ZCCHC8: variants seen among roughly 807,000 people sequenced by gnomAD.
The protein encoded by ZCCHC8 is zinc finger CCHC-type containing 8, also known as zinc finger CCHC domain-containing protein 8.
Under a neutral mutation model 70.6 loss-of-function variants are expected in ZCCHC8, and 27 were observed. The observed-to-expected ratio is 0.38, with a 90% CI of 0.28 to 0.53. The LOEUF is 0.53. Among genes scored for constraint, ZCCHC8 ranks in the 20% least tolerant of loss-of-function variants. The probability of loss-of-function intolerance (pLI) is 0.81; values close to 1 mark genes in which losing one functional copy is unlikely to be tolerated. For missense variants in ZCCHC8, 737 were observed against 876.9 expected, an observed-to-expected ratio of 0.84 and a Z score of 2.01; for synonymous variants, 293 against 317.4, an observed-to-expected ratio of 0.92 and a Z score of 0.82.
In ZCCHC8 at chr12:122,490,550, A is replaced by G. The variant is rs1957726015; in HGVS notation, c.335T>C (p.Ile112Thr). The G allele has an allele frequency of 1.2e-6, 2 of 1,607,788 alleles. No individual in the cohort carries two copies. Among genetic ancestry groups the G allele is most frequent in the Non-Finnish European group, 1.7e-6 (2 of 1,176,566 alleles). ...TACTAAATTTGATACAAATTCCTCT[A>G]TTTCTTGATGATATTGCCTGTGTAA... ...NAISKQYHQE[I>T]EEFVSNLVKR... Residue 112 changes from isoleucine (I) to threonine (T), a missense_variant, in exon 4 of 14, where the codon ATA (isoleucine) becomes ACA (threonine). Ile to Thr is a moderately conservative substitution (Grantham distance 89, BLOSUM62 -1). Coordinates refer to ENST00000633063, the MANE Select transcript of ZCCHC8 (RefSeq NM_017612.5).
Position 122,473,063 on chromosome 12 carries a change from A to G in ZCCHC8, c.*434T>C, listed in dbSNP as rs1249035822. 6.3e-6 allele frequency: 1 copy of G among 158,366 alleles called. No individual in the cohort carries two copies. 9.8% of individuals were successfully genotyped at this position (158,366 alleles called of 1,614,324 possible). A position where few individuals can be genotyped will look rare whatever the true frequency, so the allele number is the denominator to read the frequency against. The stretch of plus-strand genomic sequence containing the variant: ...AATGGGATAAAGCTGCTCATCCCTG[A>G]TTTTTCTCATTTGGTTGTAGGAGTT... On this transcript the variant is annotated 3_prime_UTR_variant, in exon 14 of 14. Transcript: ENST00000633063.
At position 122,500,610 on chromosome 12, in the gene ZCCHC8, G is replaced by A; in HGVS notation, c.199+32C>T. ...CTGGCGCTGCCCCGGCCCCACACCC[G>A]GGTGACAGGGCCCAGCGAGAGGAAA... On this transcript the variant is annotated intron_variant, in intron 1 of 13. Transcript: ENST00000633063. This position sits in a 1 kb window ranked among gnomAD's most constrained non-coding sequence, Gnocchi z 4.8. 2.0e-6 allele frequency: 3 copies of A among 1,535,850 alleles called. No individual in the cohort carries two copies. The highest frequency in any genetic ancestry group is 2.6e-6 in the Non-Finnish European group (3 of 1,141,924).
chr12:122,500,571 C>T lies in ZCCHC8; in HGVS notation c.199+71G>A, dbSNP rs1957909011. ...GCGCCCTCGCCCTCGCCCGGCGCTG[C>T]CCCGGCCCCACGCCTGGCGCTGCCC... is the stretch of plus-strand genomic sequence containing the variant. On this transcript the variant is annotated intron_variant, in intron 1 of 13. Transcript: ENST00000633063. This position sits in a 1 kb window ranked among gnomAD's most constrained non-coding sequence, Gnocchi z 4.8. 4.7e-6 allele frequency: 7 copies of T among 1,480,534 alleles called. No homozygotes were observed. The South Asian group carries it at 6.4e-5, about 14-fold the overall frequency. 91.7% of individuals were successfully genotyped at this position (1,480,534 alleles called of 1,614,324 possible).
At chr12:122,482,942 T>A in intron 7 of ZCCHC8, 1 of 522,934 alleles carries the variant, frequency 1.9e-6, no homozygotes, top group South Asian at 3.1e-5. Context: ...TTGAGTTTTT[T>A]CAGTGGTTAA....
chr12:122,497,466 C>T (rs570997076), intron 2 of ZCCHC8, among the ~76,000 whole-genome samples: 3 of 151,906 alleles, frequency 2.0e-5, no homozygotes, highest in South Asian at 2.1e-4. Context: ...TGCTTGAACC[C>T]GGGAGGTGAA....
Position 122,500,329 on chromosome 12 carries a change from T to G in ZCCHC8, c.199+313A>C. On this transcript the variant is annotated intron_variant, in intron 1 of 13. Transcript: ENST00000633063. The surrounding 1 kb of genome is among the most constrained non-coding windows in gnomAD (Gnocchi z 4.8). The stretch of plus-strand genomic sequence containing the variant: ...CACGACCTCAAACAGAGGGGGGCAA[T>G]TAAGGGCTTGTGTACAATCTGTCAG... The G allele has an allele frequency of 3.0e-6, 1 of 331,872 alleles. No homozygotes were observed. Among genetic ancestry groups the G allele is most frequent in the South Asian group, 4.5e-5 (1 of 22,070 alleles). The allele number at this position is 331,872 out of a possible 1,614,324, so 20.6% of individuals were successfully genotyped here.
In ZCCHC8 at chr12:122,498,158, C is replaced by CTT. The variant is rs11449631; in HGVS notation, c.242+667_242+668dup. On this transcript the variant is annotated intron_variant, in intron 2 of 13. Transcript: ENST00000633063. ...TCTTCAGCTAGAGTAATACTGTAAT[C>CTT]TTTTTTTTTTTTTTTTTCAGACGGA... Among the ~76,000 whole-genome samples the CTT allele has an allele frequency of 3.0e-3, 389 of 131,122 alleles. 5 individuals carry two copies. Among genetic ancestry groups the CTT allele is most frequent in the South Asian group, 5.7e-3 (24 of 4,218 alleles). 86.0% of individuals were successfully genotyped at this position (131,122 alleles called of 152,430 possible). A position where few individuals can be genotyped will look rare whatever the true frequency, so the allele number is the denominator to read the frequency against.
chr12:122,475,398 C>G (rs1214622919), intron 13 of ZCCHC8, among the ~76,000 whole-genome samples: 1 of 152,172 alleles, frequency 6.6e-6, no homozygotes, highest in Non-Finnish European at 1.5e-5. Context: ...GTTCACATAT[C>G]TAACTGCCCA....
intron 11 of ZCCHC8, chr12:122,478,551 A>T (rs931939705): frequency 1.9e-5 from 7 of 369,412 alleles, no homozygotes; most frequent in Non-Finnish European, 3.5e-5. Context: ...TGCAAGCAGA[A>T]GATGTAGGCA....
chr12:122,495,411 A>G (rs2137369099), intron 2 of ZCCHC8, among the ~76,000 whole-genome samples: 1 of 152,290 alleles, frequency 6.6e-6, no homozygotes, highest in South Asian at 2.1e-4. Flanking sequence ...GAATAGCTTG[A>G]ACCCAGAAGT....
chr12:122,473,463 G>C lies in ZCCHC8; in HGVS notation c.*34C>G, dbSNP rs369359901. The C allele has an allele frequency of 5.0e-5, 80 of 1,595,918 alleles. No homozygotes were observed. The highest frequency in any genetic ancestry group is 6.7e-5 in the Non-Finnish European group (78 of 1,170,538). ...AATTAGTACTAATTAACGGAACAAAGTTATTAAATAGCTCTCAGTGCTAAG... is the reference window on the plus strand; with the variant it reads ...AATTAGTACTAATTAACGGAACAAACTTATTAAATAGCTCTCAGTGCTAAG... On this transcript the variant is annotated 3_prime_UTR_variant, in exon 14 of 14. Coordinates refer to ENST00000633063, the MANE Select transcript of ZCCHC8 (RefSeq NM_017612.5).
chr12:122,482,538 CAAAG>C (rs1249316468), intron 8 of ZCCHC8, 93 bp downstream of exon 8: 5 of 849,290 alleles, frequency 5.9e-6, no homozygotes, highest in Non-Finnish European at 5.2e-6. Flanking sequence ...ATTAAAGGAA[CAAAG>C]AAAGTTCCTT....
intron 5 of ZCCHC8, among the ~76,000 whole-genome samples, chr12:122,488,372 T>C (rs1486316731): frequency 1.3e-5 from 2 of 151,720 alleles, no homozygotes; most frequent in Non-Finnish European, 2.9e-5. Flanking sequence ...TAGAGATGAG[T>C]TCTGGCTATG....
chr12:122,481,715 A>G, intron 9 of ZCCHC8, 51 bp from the exon 10 acceptor site: 5 of 1,583,352 alleles, frequency 3.2e-6, no homozygotes, highest in Non-Finnish European at 4.3e-6. Context: ...ATTTGCATGA[A>G]AACACATAGT....
intron 2 of ZCCHC8, among the ~76,000 whole-genome samples, chr12:122,496,709 A>G (rs536635269): frequency 1.3e-5 from 2 of 152,288 alleles, no homozygotes; most frequent in South Asian, 4.1e-4. Flanking sequence ...CATGTTGTCC[A>G]GACTGGTCTC....
intron 10 of ZCCHC8, 101 bp downstream of exon 10, chr12:122,481,421 A>G (rs1957531187): frequency 2.1e-6 from 3 of 1,421,804 alleles, no homozygotes; most frequent in Non-Finnish European, 2.8e-6. Context: ...GTTAGCACAC[A>G]TTAAAGAAGC....
At chr12:122,479,580 A>C (rs935615663) in intron 11 of ZCCHC8, among the ~76,000 whole-genome samples, 3 of 152,216 alleles carry the variant, frequency 2.0e-5, no homozygotes, top group African/African-American at 7.2e-5. Context: ...CTTATTTCCC[A>C]AGTTAATTCT....
chr12:122,483,142 T>C lies in ZCCHC8; in HGVS notation c.671+137A>G, dbSNP rs946471202. The C allele has an allele frequency of 3.9e-6, 3 of 770,422 alleles. No individual in the cohort carries two copies. The highest frequency in any genetic ancestry group is 1.8e-5 in the African/African-American group (1 of 56,652). The allele number at this position is 770,422 out of a possible 1,614,324, so 47.7% of individuals were successfully genotyped here. On this transcript the variant is annotated intron_variant, in intron 7 of 13. Coordinates refer to ENST00000633063, the MANE Select transcript of ZCCHC8 (RefSeq NM_017612.5). This position sits in a 1 kb window ranked among gnomAD's most constrained non-coding sequence, Gnocchi z 4.4. ...CATTTAAACATTTAACATATATGTA[T>C]GGATTAAAATTCTAGCTCAATCTGT...
chr12:122,477,808 A>AT, intron 13 of ZCCHC8, 33 bp downstream of exon 13: 6 of 1,425,792 alleles, frequency 4.2e-6, no homozygotes, highest in Non-Finnish European at 5.9e-6. Context: ...AAAAAAAAAA[A>AT]GAGAGAAATC....
Sources: allele counts gnomAD v4.1 joint callset (sites outside exome capture counted in the v4.1 genomes callset), GRCh38; gene constraint gnomAD v4.1.1; non-coding constraint Gnocchi (gnomAD v3.1); transcripts MANE v1.5; gene names NCBI Gene and HGNC (gene_info 2026-07-23, HGNC 2026-07-21).